PLCG2: variants seen among roughly 807,000 people sequenced by gnomAD.
The protein encoded by PLCG2 is phospholipase C gamma 2, also known as 1-phosphatidylinositol 4,5-bisphosphate phosphodiesterase gamma-2.
A neutral mutation model predicts 175.6 loss-of-function variants in PLCG2; 69 were observed. The ratio of observed to expected loss-of-function variants is 0.39; its 90% CI spans 0.32 to 0.48. The LOEUF is 0.48. PLCG2 is among the 20% of genes least tolerant of loss of function. PLCG2 has a pLI of 0.91. For synonymous variants in PLCG2, 827 were observed against 624.0 expected, an observed-to-expected ratio of 1.33 and a Z score of -4.85; for missense variants, 1,798 against 1,650.9, an observed-to-expected ratio of 1.09 and a Z score of -1.54.
intron 2 of PLCG2, among the ~76,000 whole-genome samples, chr16:81,843,441 C>A (rs1439915413): frequency 6.6e-6 from 1 of 152,162 alleles, no homozygotes; most frequent in Non-Finnish European, 1.5e-5. Context: ...CAATATATTA[C>A]ATCATATTAC....
rs767145754 is a variant in PLCG2 at position 81,858,364 on chromosome 16, G to A, written c.431+8G>A. 11 of 1,600,738 alleles carry A rather than the reference G, an allele frequency of 6.9e-6. No individual in the cohort carries two copies. The highest frequency in any genetic ancestry group is 9.4e-6 in the Non-Finnish European group (11 of 1,167,804). The stretch of plus-strand genomic sequence containing the variant: ...GCCCACCATTATCGAGAGGTAGTTG[G>A]CTTTTGCCTGTTGATTTGCGTAGTT... On this transcript the variant is annotated splice_region_variant and intron_variant, in intron 4 of 32. Coordinates refer to ENST00000564138, the MANE Select transcript of PLCG2 (RefSeq NM_002661.5).
At chr16:81,757,391 C>A (rs1909951467) in intron 2 of PLCG2, among the ~76,000 whole-genome samples, 1 of 152,092 alleles carries the variant, frequency 6.6e-6, no homozygotes. Flanking sequence ...TGGTGAAACC[C>A]CGTCTCTACT....
chr16:81,925,850 C>G (rs557475507), intron 22 of PLCG2, among the ~76,000 whole-genome samples: 1 of 149,834 alleles, frequency 6.7e-6, no homozygotes, highest in Non-Finnish European at 1.5e-5. Context: ...TCGTGCCATG[C>G]ACTCCAGCCT....
chr16:81,757,820 C>T (rs549389812), intron 2 of PLCG2, among the ~76,000 whole-genome samples: 3 of 152,128 alleles, frequency 2.0e-5, no homozygotes, highest in African/African-American at 7.2e-5. Flanking sequence ...ACTCCCTATA[C>T]CCCCTTCCCC....
chr16:81,940,638 C>G (rs1910901791), intron 30 of PLCG2, among the ~76,000 whole-genome samples: 2 of 152,166 alleles, frequency 1.3e-5, no homozygotes, highest in South Asian at 2.1e-4. Flanking sequence ...TTTCTGCAAC[C>G]AAGCCAAGCT....
intron 31 of PLCG2, among the ~76,000 whole-genome samples, chr16:81,955,696 T>C (rs1911539410): frequency 6.6e-6 from 1 of 152,180 alleles, no homozygotes; most frequent in Non-Finnish European, 1.5e-5. Flanking sequence ...ACACTTACTC[T>C]TTCAGCTGAT....
chr16:81,775,273 A>G, upstream of PLCG2, among the ~76,000 whole-genome samples: 1 of 152,078 alleles, frequency 6.6e-6, no homozygotes, highest in Admixed American at 6.6e-5. Context: ...GCAACCACTG[A>G]TCTACGTTCT....
At chr16:81,764,385 A>G (rs1910101174) in intron 2 of PLCG2, among the ~76,000 whole-genome samples, 3 of 152,202 alleles carry the variant, frequency 2.0e-5, no homozygotes, top group Admixed American at 2.0e-4. Context: ...CCATCTCTCC[A>G]TGGACGAATG....
At chr16:81,824,444 A>C (rs28550771) in intron 2 of PLCG2, among the ~76,000 whole-genome samples, 6,020 of 152,076 alleles carry the variant, frequency 0.04, 167 homozygotes, top group African/African-American at 0.073. Flanking sequence ...CCAGCCACTT[A>C]TTTTCTTGTG....
intron 2 of PLCG2, among the ~76,000 whole-genome samples, chr16:81,789,829 T>A: frequency 6.7e-6 from 1 of 149,154 alleles, no homozygotes; most frequent in Non-Finnish European, 1.5e-5. Flanking sequence ...TCTTTCTCCT[T>A]CCCTTCCCAC....
intron 31 of PLCG2, among the ~76,000 whole-genome samples, chr16:81,951,771 GCA>G (rs1264173718): frequency 6.6e-6 from 1 of 152,164 alleles, no homozygotes; most frequent in Admixed American, 6.5e-5. Flanking sequence ...TTTAACACCA[GCA>G]CAGTTAGCAA....
intron 31 of PLCG2, among the ~76,000 whole-genome samples, chr16:81,954,604 T>A (rs1323496271): frequency 6.6e-6 from 1 of 152,218 alleles, no homozygotes; most frequent in East Asian, 1.9e-4. Flanking sequence ...TCCATTCCTG[T>A]GTTAGTTTGC....
chr16:81,775,710 T>C (rs1416179458), upstream of PLCG2, among the ~76,000 whole-genome samples: 1 of 152,086 alleles, frequency 6.6e-6, no homozygotes, highest in African/African-American at 2.4e-5. Context: ...ATACAAAGAG[T>C]CAAGATGATT....
intron 25 of PLCG2, among the ~76,000 whole-genome samples, chr16:81,933,575 T>G (rs962236350): frequency 6.7e-6 from 1 of 149,768 alleles, no homozygotes; most frequent in African/African-American, 2.4e-5. Flanking sequence ...TGCTGTTTTT[T>G]GTTTTTTTTT....
upstream of PLCG2, among the ~76,000 whole-genome samples, chr16:81,776,785 T>C (rs979367662): frequency 2.0e-5 from 3 of 152,086 alleles, no homozygotes; most frequent in African/African-American, 7.2e-5. Flanking sequence ...GAACTCCTGA[T>C]CTCAGGTAAG....
At chr16:81,817,557 A>G (rs1229547166) in intron 2 of PLCG2, among the ~76,000 whole-genome samples, 2 of 152,260 alleles carry the variant, frequency 1.3e-5, no homozygotes, top group South Asian at 4.1e-4. Flanking sequence ...TGATAAAACA[A>G]GAGCCCTCAA....
At chr16:81,844,685 C>T (rs1906019662) in intron 2 of PLCG2, among the ~76,000 whole-genome samples, 1 of 152,154 alleles carries the variant, frequency 6.6e-6, no homozygotes, top group South Asian at 2.1e-4. Context: ...GGTCTATGAT[C>T]TGGATTGTGC....
intron 2 of PLCG2, among the ~76,000 whole-genome samples, chr16:81,831,665 A>G (rs1905263907): frequency 6.6e-6 from 1 of 152,064 alleles, no homozygotes; most frequent in Non-Finnish European, 1.5e-5. Context: ...TTGTACCCCG[A>G]GTGGGACTCA....
chr16:81,878,247 G>T (rs1044275183), intron 7 of PLCG2, among the ~76,000 whole-genome samples: 1 of 151,934 alleles, frequency 6.6e-6, no homozygotes, highest in Non-Finnish European at 1.5e-5. Context: ...GCCTCACAAA[G>T]TGCTGGGATT....
Sources: allele counts gnomAD v4.1 joint callset (sites outside exome capture counted in the v4.1 genomes callset), GRCh38; gene constraint gnomAD v4.1.1; transcripts MANE v1.5; gene names NCBI Gene and HGNC (gene_info 2026-07-23, HGNC 2026-07-21).